Variants in CLIC5 observed in about 807,000 individuals in gnomAD.
CLIC5 encodes the protein chloride intracellular channel protein 5.
Under a neutral mutation model 24.7 loss-of-function variants are expected in CLIC5, and 20 were observed. The ratio of observed to expected loss-of-function variants is 0.81; its 90% CI spans 0.57 to 1.18. The LOEUF (loss-of-function observed/expected upper bound fraction) is 1.18, where lower values mean the gene tolerates loss of function less well. Among genes scored for constraint, CLIC5 ranks in the 50% most tolerant of loss-of-function variants. The probability of loss-of-function intolerance (pLI) is 0.00; values close to 1 mark genes in which losing one functional copy is unlikely to be tolerated. For missense variants in CLIC5, 341 were observed against 326.1 expected, an observed-to-expected ratio of 1.05 and a Z score of -0.35; for synonymous variants, 159 against 135.6, an observed-to-expected ratio of 1.17 and a Z score of -1.20.
chr6:46,011,796 C>A (rs1766819816), intron 1 of CLIC5, among the ~76,000 whole-genome samples: 1 of 152,334 alleles, frequency 6.6e-6, no homozygotes, highest in Admixed American at 6.5e-5. Flanking sequence ...ACCACACTCA[C>A]TGCCATTACC....
At chr6:45,981,873 C>T (rs1166045766) in intron 1 of CLIC5, among the ~76,000 whole-genome samples, 1 of 152,030 alleles carries the variant, frequency 6.6e-6, no homozygotes, top group African/African-American at 2.4e-5. Flanking sequence ...TGGCAGGTGC[C>T]TGTAATCCCA....
At chr6:45,985,864 C>A (rs1765717335) in intron 1 of CLIC5, among the ~76,000 whole-genome samples, 1 of 152,066 alleles carries the variant, frequency 6.6e-6, no homozygotes, top group Non-Finnish European at 1.5e-5. Context: ...TGGCTGTGTA[C>A]CCACCCAAAT....
chr6:46,036,306 C>CTTTTTTTTT (rs67557243), intron 1 of CLIC5, among the ~76,000 whole-genome samples: 1 of 88,164 alleles, frequency 1.1e-5, no homozygotes, highest in Non-Finnish European at 2.1e-5. Context: ...ACTGCAAGGT[C>CTTTTTTTTT]TTTTTTTTTT....
chr6:45,977,003 C>T (rs1581815485), intron 1 of CLIC5, among the ~76,000 whole-genome samples: 1 of 152,106 alleles, frequency 6.6e-6, no homozygotes, highest in South Asian at 2.1e-4. Context: ...CAGATCTGCC[C>T]ACATATCAAA....
chr6:45,939,879 G>A (rs891766635), intron 4 of CLIC5, among the ~76,000 whole-genome samples: 4 of 150,252 alleles, frequency 2.7e-5, no homozygotes, highest in Non-Finnish European at 5.9e-5. Context: ...CATGAATTCT[G>A]GGGGGACACT....
At chr6:45,974,522 T>TATATATATATATATACAGAG (rs1339415709) in intron 1 of CLIC5, among the ~76,000 whole-genome samples, 1 of 66,002 alleles carries the variant, frequency 1.5e-5, no homozygotes, top group African/African-American at 6.2e-5. Context: ...TATATATATA[T>TATATATATATATATACAGAG]AGAGAGAGAG....
chr6:45,913,855 A>G, intron 5 of CLIC5: 1 of 1,210,934 alleles, frequency 8.3e-7, no homozygotes, highest in Non-Finnish European at 1.0e-6. Context: ...CATTTAATAG[A>G]GCTGTAGGGG....
At chr6:45,969,487 G>A (rs1392962848) in intron 1 of CLIC5, among the ~76,000 whole-genome samples, 1 of 113,938 alleles carries the variant, frequency 8.8e-6, no homozygotes, top group East Asian at 3.0e-4. Flanking sequence ...CTTCAGACTA[G>A]GGCAGTTGAG....
intron 4 of CLIC5, among the ~76,000 whole-genome samples, chr6:45,925,604 C>A (rs138985172): frequency 6.6e-6 from 1 of 152,216 alleles, no homozygotes; most frequent in Middle Eastern, 3.2e-3. Context: ...CATGAGCCGT[C>A]GCGCTCAGCC....
intron 4 of CLIC5, among the ~76,000 whole-genome samples, chr6:45,929,266 A>C (rs1763633018): frequency 6.6e-6 from 1 of 152,232 alleles, no homozygotes. Context: ...ACCAAATCAA[A>C]GACCCTCTGG....
At chr6:46,110,499 G>C in the CLIC5 span, among the ~76,000 whole-genome samples, 9 of 152,198 alleles carry the variant, frequency 5.9e-5, no homozygotes, top group Non-Finnish European at 1.0e-4. Context: ...TGTGATTAGA[G>C]ACACTGGTTA....
At chr6:46,089,800 T>G in the CLIC5 span, among the ~76,000 whole-genome samples, 2 of 152,230 alleles carry the variant, frequency 1.3e-5, no homozygotes, top group Non-Finnish European at 2.9e-5. Flanking sequence ...CATGTGAGCA[T>G]ATTAATGGAA....
chr6:45,955,361 C>T lies in CLIC5; in HGVS notation c.64-117G>A, dbSNP rs187139347. 1.7e-4 allele frequency: 112 copies of T among 675,536 alleles called. 1 individual carries two copies. The East Asian group carries it at 2.6e-3, about 16-fold the overall frequency. The allele number at this position is 675,536 out of a possible 1,614,324, so 41.8% of individuals were successfully genotyped here. A position where few individuals can be genotyped will look rare whatever the true frequency, so the allele number is the denominator to read the frequency against. On this transcript the variant is annotated intron_variant, in intron 1 of 5. Transcript: ENST00000339561. ...CCTTACTAAAACCATGTCCCAGCAACTTCAAAGGGCGGTAGCCTGATATTA... is the reference window on the plus strand; with the variant it reads ...CCTTACTAAAACCATGTCCCAGCAATTTCAAAGGGCGGTAGCCTGATATTA...
chr6:45,916,545 G>A, intron 4 of CLIC5, among the ~76,000 whole-genome samples: 1 of 152,182 alleles, frequency 6.6e-6, no homozygotes, highest in South Asian at 2.1e-4. Context: ...AATATCATCT[G>A]AGGGAAAGAG....
At chr6:46,035,868 C>T (rs1767643631) in intron 1 of CLIC5, among the ~76,000 whole-genome samples, 2 of 152,148 alleles carry the variant, frequency 1.3e-5, no homozygotes, top group South Asian at 4.1e-4. Flanking sequence ...CCTCAGCCTC[C>T]CAAGTAGCTG....
chr6:45,965,428 A>G (rs1764985389), intron 1 of CLIC5, among the ~76,000 whole-genome samples: 1 of 152,216 alleles, frequency 6.6e-6, no homozygotes, highest in Non-Finnish European at 1.5e-5. Flanking sequence ...TCCGGGACAG[A>G]TTCCTGGAAG....
chr6:46,095,064 A>G, the CLIC5 span, among the ~76,000 whole-genome samples: 24,405 of 152,182 alleles, frequency 0.16, 2,201 homozygotes, highest in South Asian at 0.34. Context: ...AGCCTGAGCA[A>G]TACCCAGGCC....
intron 1 of CLIC5, among the ~76,000 whole-genome samples, chr6:46,041,698 A>C (rs1767813283): frequency 6.6e-6 from 1 of 152,170 alleles, no homozygotes; most frequent in African/African-American, 2.4e-5. Flanking sequence ...TAAAGCCCCG[A>C]GTATTGATAA....
chr6:46,042,469 T>C (rs1581892944), intron 1 of CLIC5, among the ~76,000 whole-genome samples: 1 of 152,106 alleles, frequency 6.6e-6, no homozygotes, highest in Admixed American at 6.6e-5. Context: ...ACCTAGGAGG[T>C]GGGGCAGGCA....
Sources: gnomAD v4.1 joint callset for allele counts (sites outside exome capture counted in the v4.1 genomes callset) on GRCh38, gnomAD v4.1.1 for gene constraint, MANE v1.5 for transcripts, NCBI Gene and HGNC (gene_info 2026-07-23, HGNC 2026-07-21) for gene names.